Variants in DCC observed in about 807,000 individuals in gnomAD.
The protein encoded by DCC is DCC netrin 1 receptor, also known as netrin receptor DCC.
A neutral mutation model predicts 172.5 loss-of-function variants in DCC; 58 were observed. That is an observed-to-expected ratio of 0.34 (90% CI 0.27 to 0.42). The LOEUF is 0.42. DCC is among the 10% of genes least tolerant of loss of function. The pLI is 1.00. For missense variants in DCC, 1,740 were observed against 1,791.0 expected, an observed-to-expected ratio of 0.97 and a Z score of 0.51; for synonymous variants, 709 against 644.5, an observed-to-expected ratio of 1.10 and a Z score of -1.52.
intron 1 of DCC, among the ~76,000 whole-genome samples, chr18:52,479,224 T>C (rs1223350643): frequency 1.3e-5 from 2 of 152,216 alleles, no homozygotes; most frequent in African/African-American, 4.8e-5. Flanking sequence ...CTTAAGCACA[T>C]ATAGATTTTC....
intron 2 of DCC, among the ~76,000 whole-genome samples, chr18:52,826,897 A>G (rs2038519968): frequency 6.6e-6 from 1 of 152,240 alleles, no homozygotes; most frequent in African/African-American, 2.4e-5. Context: ...CTGAACATGT[A>G]AATACTTTTT....
At chr18:52,639,341 C>T (rs2034846272) in intron 1 of DCC, among the ~76,000 whole-genome samples, 1 of 151,694 alleles carries the variant, frequency 6.6e-6, no homozygotes, top group Non-Finnish European at 1.5e-5. Context: ...TTGAAACAAA[C>T]AAACAAACAA....
chr18:52,808,363 A>G (rs2038127439), intron 2 of DCC, among the ~76,000 whole-genome samples: 1 of 150,350 alleles, frequency 6.7e-6, no homozygotes, highest in Non-Finnish European at 1.5e-5. Context: ...ACCAGTAGAC[A>G]GCCTGTAATT....
At chr18:53,167,938 G>T (rs2054948274) in intron 8 of DCC, among the ~76,000 whole-genome samples, 1 of 152,124 alleles carries the variant, frequency 6.6e-6, no homozygotes, top group African/African-American at 2.4e-5. Flanking sequence ...TCAGAAGTGT[G>T]AGTCAGGAGA....
At chr18:52,948,241 C>G (rs1338178146) in intron 5 of DCC, among the ~76,000 whole-genome samples, 1 of 151,902 alleles carries the variant, frequency 6.6e-6, no homozygotes, top group African/African-American at 2.4e-5. Context: ...TTCCTGAGTC[C>G]TATCTTTTAC....
intron 1 of DCC, among the ~76,000 whole-genome samples, chr18:52,610,775 C>A (rs941891049): frequency 1.1e-4 from 17 of 152,012 alleles, no homozygotes; most frequent in African/African-American, 3.1e-4. Context: ...ATTTATGGGC[C>A]CTTACATTTA....
At chr18:53,128,753 C>T (rs368906328) in intron 7 of DCC, among the ~76,000 whole-genome samples, 33 of 150,016 alleles carry the variant, frequency 2.2e-4, no homozygotes, top group African/African-American at 6.9e-4. Flanking sequence ...TGAAGACTTG[C>T]CTTCCTGAAA....
At chr18:52,881,392 T>C (rs1010098324) in intron 2 of DCC, among the ~76,000 whole-genome samples, 1 of 152,144 alleles carries the variant, frequency 6.6e-6, no homozygotes, top group African/African-American at 2.4e-5. Flanking sequence ...TGGTTGCCTA[T>C]GCTTATGGGA....
At chr18:53,406,360 T>C (rs1438711506) in intron 19 of DCC, among the ~76,000 whole-genome samples, 3 of 151,916 alleles carry the variant, frequency 2.0e-5, no homozygotes, top group African/African-American at 4.8e-5. Context: ...CTTTGTTACT[T>C]TCTCTGGAAA....
chr18:52,957,764 T>A (rs150730216), intron 5 of DCC, among the ~76,000 whole-genome samples: 2 of 152,080 alleles, frequency 1.3e-5, no homozygotes. Context: ...TTGTGCTCCA[T>A]GTGCGAAGAA....
intron 17 of DCC, among the ~76,000 whole-genome samples, chr18:53,395,792 G>A (rs971931096): frequency 1.3e-5 from 2 of 151,978 alleles, no homozygotes; most frequent in Non-Finnish European, 2.9e-5. Flanking sequence ...ACAGGTGCAT[G>A]CTACCATGCC....
At chr18:53,380,642 C>T (rs1907652207) in intron 15 of DCC, among the ~76,000 whole-genome samples, 1 of 152,134 alleles carries the variant, frequency 6.6e-6, no homozygotes, top group South Asian at 2.1e-4. Flanking sequence ...CTGGAAAAGG[C>T]AGTCAAAGGG....
At chr18:52,642,305 C>G (rs908209261) in intron 1 of DCC, among the ~76,000 whole-genome samples, 1 of 151,238 alleles carries the variant, frequency 6.6e-6, no homozygotes, top group African/African-American at 2.4e-5. Flanking sequence ...ATGCAATGGG[C>G]TTTGGGGAAT....
intron 1 of DCC, among the ~76,000 whole-genome samples, chr18:52,735,483 G>C (rs888307944): frequency 3.0e-4 from 45 of 152,156 alleles, no homozygotes; most frequent in African/African-American, 1.0e-3. Context: ...AGGTGAAGTC[G>C]CACAATAGGC....
At chr18:52,951,048 T>G (rs2040638659) in intron 5 of DCC, among the ~76,000 whole-genome samples, 1 of 151,240 alleles carries the variant, frequency 6.6e-6, no homozygotes, top group Non-Finnish European at 1.5e-5. Context: ...CAGATTTTTA[T>G]TCCAAAGCAT....
chr18:53,321,720 C>T (rs1245648172), intron 13 of DCC, among the ~76,000 whole-genome samples: 2 of 152,016 alleles, frequency 1.3e-5, no homozygotes, highest in African/African-American at 4.8e-5. Context: ...AGACGTGGAT[C>T]TTCTGAACAG....
At chr18:53,340,824 A>G (rs1193709364) in intron 15 of DCC, among the ~76,000 whole-genome samples, 1 of 152,150 alleles carries the variant, frequency 6.6e-6, no homozygotes, top group Non-Finnish European at 1.5e-5. Context: ...TTGATTGGGC[A>G]GGCAGGGTGT....
chr18:53,252,813 G>GA (rs954823529), intron 12 of DCC, among the ~76,000 whole-genome samples: 11 of 151,832 alleles, frequency 7.2e-5, no homozygotes, highest in Admixed American at 2.0e-4. Context: ...GAGCAATTTG[G>GA]AAAAAAATGT....
At chr18:52,591,804 C>G (rs1217387556) in intron 1 of DCC, among the ~76,000 whole-genome samples, 3 of 50,254 alleles carry the variant, frequency 6.0e-5, no homozygotes, top group Non-Finnish European at 8.4e-5. Flanking sequence ...TTTTTTTTTT[C>G]GGTAGTAACG....
Sources: gnomAD v4.1 joint callset for allele counts (sites outside exome capture counted in the v4.1 genomes callset) on GRCh38, gnomAD v4.1.1 for gene constraint, MANE v1.5 for transcripts, NCBI Gene and HGNC (gene_info 2026-07-23, HGNC 2026-07-21) for gene names.